Variants in POLR3C observed in about 807,000 individuals in gnomAD.
POLR3C encodes RNA polymerase III subunit C, also known as DNA-directed RNA polymerase III subunit RPC3.
A neutral mutation model predicts 65.9 loss-of-function variants in POLR3C; 44 were observed. The ratio of observed to expected loss-of-function variants is 0.67; its 90% CI spans 0.52 to 0.86. POLR3C has a LOEUF of 0.86. POLR3C is among the 40% of genes least tolerant of loss of function. The pLI, the probability that POLR3C is intolerant of heterozygous loss-of-function variation, is 0.00. For missense variants in POLR3C, 576 were observed against 653.2 expected (o/e 0.88, Z 1.29); for synonymous variants, 263 against 231.6 (o/e 1.14, Z -1.23).
At chr1:145,830,167 T>C (rs1412953364) in intron 5 of POLR3C, among the ~76,000 whole-genome samples, 2 of 151,608 alleles carry the variant, frequency 1.3e-5, no homozygotes, top group Non-Finnish European at 2.9e-5. Context: ...TACCTTTCAT[T>C]ACATTCTTCA....
rs1433109852 is a variant in POLR3C, at chr1:145,826,716, A to AT, written c.403+8dup. ...CTCACAGAGACCATGGAGGGTCAGT[A>AT]TGGTATCCATAGCTGTTAACAAAAG... On this transcript the variant is annotated splice_region_variant and intron_variant, in intron 3 of 14. Coordinates refer to ENST00000334163, the MANE Select transcript of POLR3C (RefSeq NM_006468.8). 6.2e-7 allele frequency: 1 copy of AT among 1,613,944 alleles called. No homozygotes were observed. Among genetic ancestry groups the AT allele is most frequent in the Admixed American group, 1.7e-5 (1 of 60,008 alleles).
intron 7 of POLR3C, among the ~76,000 whole-genome samples, chr1:145,834,652 C>T (rs1398707576): frequency 2.0e-5 from 3 of 151,766 alleles, no homozygotes; most frequent in African/African-American, 7.3e-5. Context: ...TCCAGCCTCA[C>T]CACACATGTG....
chr1:145,832,820 G>C (rs1319192284), intron 5 of POLR3C, among the ~76,000 whole-genome samples: 2 of 152,042 alleles, frequency 1.3e-5, no homozygotes, highest in Non-Finnish European at 2.9e-5. Flanking sequence ...TCAGGAGTTC[G>C]AGACCAGCCT....
Position 145,833,384 on chromosome 1 carries a change from G to A in POLR3C, c.783+20G>A. On this transcript the variant is annotated intron_variant, in intron 6 of 14. Transcript: ENST00000334163. ...GACCAGGTAATACCTAAGTGGGTCT[G>A]TCATTGGTCATCAGGGACATTTACT... 1 of 1,555,144 alleles carries A rather than the reference G, an allele frequency of 6.4e-7. No individual in the cohort carries two copies. The highest frequency in any genetic ancestry group is 1.1e-5 in the South Asian group (1 of 89,766).
intron 5 of POLR3C, among the ~76,000 whole-genome samples, chr1:145,831,530 A>C: frequency 6.6e-6 from 1 of 151,414 alleles, no homozygotes; most frequent in East Asian, 1.9e-4. Flanking sequence ...AAAAAAAAAA[A>C]AGAGAGAGTT....
At chr1:145,827,179 T>TA (rs1255125886) in intron 4 of POLR3C, among the ~76,000 whole-genome samples, 174 bp downstream of exon 4, 1 of 152,190 alleles carries the variant, frequency 6.6e-6, no homozygotes, top group African/African-American at 2.4e-5. Flanking sequence ...ATAGGAGACA[T>TA]ACATTAATCG....
Position 145,840,110 on chromosome 1 carries a change from C to A in POLR3C, c.1324-6C>A, listed in dbSNP as rs782179731. ...TGCATTCCTTGTCTGTCTTCTCTTT[C>A]CTCAGAGCATAGCCAACTTGATAGA... is the stretch of plus-strand genomic sequence containing the variant. On this transcript the variant is annotated splice_region_variant and splice_polypyrimidine_tract_variant and intron_variant, in intron 12 of 14. Coordinates refer to ENST00000334163, the MANE Select transcript of POLR3C (RefSeq NM_006468.8). 5.6e-6 allele frequency: 9 copies of A among 1,605,842 alleles called. No individual in the cohort carries two copies. The South Asian group carries it at 9.9e-5, about 18-fold the overall frequency.
chr1:145,844,037 A>G lies in POLR3C; in HGVS notation c.*1617A>G, dbSNP rs1381003414. The stretch of plus-strand genomic sequence containing the variant: ...AATGAATGCTAGTGAGGATGTGGAA[A>G]AAGGAGAGCCCTGCCTGGTACACTG... On this transcript the variant is annotated 3_prime_UTR_variant, in exon 15 of 15. Transcript: ENST00000334163. Among the ~76,000 whole-genome samples the G allele has an allele frequency of 1.3e-5, 2 of 152,224 alleles. No individual in the cohort carries two copies. The highest frequency in any genetic ancestry group is 3.8e-4 in the East Asian group (2 of 5,196).
chr1:145,825,934 A>G lies in POLR3C; in HGVS notation c.147+11A>G, dbSNP rs782725440. ...ACATCACTGGATCAGGTATGTCTAA[A>G]TGACATTCATTTTCTCTCATTTCTT... On this transcript the variant is annotated intron_variant, in intron 2 of 14. Coordinates refer to ENST00000334163, the MANE Select transcript of POLR3C (RefSeq NM_006468.8). 7 of 1,587,312 alleles carry G rather than the reference A, an allele frequency of 4.4e-6. No homozygotes were observed. In the Admixed American group the frequency reaches 1.2e-4, roughly 27 times the overall value.
Position 145,840,178 on chromosome 1 carries a change from T to C in POLR3C, c.1373+13T>C. ...CCAAAGAGAATAAGTAAGTAACATTTTCAGTTGAGTTATTTACATCTTTCA... is the reference window on the plus strand; with the variant it reads ...CCAAAGAGAATAAGTAAGTAACATTCTCAGTTGAGTTATTTACATCTTTCA... On this transcript the variant is annotated intron_variant, in intron 13 of 14. Coordinates refer to ENST00000334163, the MANE Select transcript of POLR3C (RefSeq NM_006468.8). 3 of 1,509,010 alleles carry C rather than the reference T, an allele frequency of 2.0e-6. No homozygotes were observed. Among genetic ancestry groups the C allele is most frequent in the Non-Finnish European group, 2.8e-6 (3 of 1,084,200 alleles). 93.5% of individuals were successfully genotyped at this position (1,509,010 alleles called of 1,614,324 possible).
intron 5 of POLR3C, among the ~76,000 whole-genome samples, chr1:145,830,645 A>C (rs1398476942): frequency 6.6e-6 from 1 of 151,986 alleles, no homozygotes; most frequent in African/African-American, 2.4e-5. Flanking sequence ...CTAAAAATAC[A>C]AAAATTAACC....
At chr1:145,831,309 G>T in intron 5 of POLR3C, among the ~76,000 whole-genome samples, 1 of 152,180 alleles carries the variant, frequency 6.6e-6, no homozygotes, top group Non-Finnish European at 1.5e-5. Flanking sequence ...GAGGTCAGGA[G>T]TTCGAGACCA....
In POLR3C at chr1:145,843,066, G is replaced by A. The variant is rs1193079144; in HGVS notation, c.*646G>A. On this transcript the variant is annotated 3_prime_UTR_variant, in exon 15 of 15. Transcript: ENST00000334163. Reference sequence around the variant, plus strand: ...TGAACTGTAATTTTTAACACACACAGTGTAGGGAATGTGAAAGACTATCAC... The same window carrying A: ...TGAACTGTAATTTTTAACACACACAATGTAGGGAATGTGAAAGACTATCAC... Among the ~76,000 whole-genome samples, 2 of 152,062 alleles carry A rather than the reference G, an allele frequency of 1.3e-5. No individual in the cohort carries two copies. The highest frequency in any genetic ancestry group is 1.3e-4 in the Admixed American group (2 of 15,264).
intron 5 of POLR3C, 62 bp downstream of exon 5, chr1:145,828,899 A>G: frequency 1.1e-6 from 1 of 872,174 alleles, no homozygotes; most frequent in South Asian, 1.3e-5. Flanking sequence ...GCACTCAGAT[A>G]ACAAGCCCCA....
At chr1:145,835,170 C>T (rs1470164530) in intron 7 of POLR3C, among the ~76,000 whole-genome samples, 1 of 147,658 alleles carries the variant, frequency 6.8e-6, no homozygotes, top group Non-Finnish European at 1.5e-5. Context: ...AAAAAAAGGC[C>T]GGACGCAGCA....
At chr1:145,832,116 C>T (rs782387558) in intron 5 of POLR3C, among the ~76,000 whole-genome samples, 1 of 152,174 alleles carries the variant, frequency 6.6e-6, no homozygotes, top group Non-Finnish European at 1.5e-5. Context: ...CCAACCATGT[C>T]ATATGCTTCC....
At chr1:145,840,042 C>T (rs782003110) in intron 12 of POLR3C, 51 bp downstream of exon 12, 8 of 1,484,398 alleles carry the variant, frequency 5.4e-6, no homozygotes, top group Non-Finnish European at 7.5e-6. Flanking sequence ...TCAAGTACCC[C>T]TCATGTGCCC....
At position 145,824,253 on chromosome 1, in the gene POLR3C, C is replaced by A; in HGVS notation, c.-137C>A. On this transcript the variant is annotated 5_prime_UTR_variant, in exon 1 of 15. Transcript: ENST00000334163. ...CGTCTTCTTCGGTGGCGATCCGCGT[C>A]CTAGAAAGGGCGGTGGGCTCCACCT... 1 of 267,378 alleles carries A rather than the reference C, an allele frequency of 3.7e-6. No homozygotes were observed. Among genetic ancestry groups the A allele is most frequent in the South Asian group, 3.4e-5 (1 of 29,460 alleles). 16.6% of individuals were successfully genotyped at this position (267,378 alleles called of 1,614,324 possible).
At chr1:145,841,314 G>A (rs782776272) in intron 14 of POLR3C, among the ~76,000 whole-genome samples, 2 of 152,060 alleles carry the variant, frequency 1.3e-5, no homozygotes, top group African/African-American at 2.4e-5. Flanking sequence ...TTTAAGAGAC[G>A]GGGTTTTGGC....
Sources: gnomAD v4.1 joint callset for allele counts (sites outside exome capture counted in the v4.1 genomes callset) on GRCh38, gnomAD v4.1.1 for gene constraint, MANE v1.5 for transcripts, NCBI Gene and HGNC (gene_info 2026-07-23, HGNC 2026-07-21) for gene names.